ATP8A2: variants seen among roughly 807,000 people sequenced by gnomAD.
ATP8A2 encodes phospholipid-transporting ATPase IB.
Under a neutral mutation model 165.6 loss-of-function variants are expected in ATP8A2, and 100 were observed. The ratio of observed to expected loss-of-function variants is 0.60; its 90% CI spans 0.51 to 0.71. The LOEUF is 0.71. Ranked by LOEUF, ATP8A2 falls within the 30% of genes least tolerant of loss-of-function variation. ATP8A2 has a pLI of 0.00. For missense variants in ATP8A2, 1,227 were observed against 1,479.5 expected (o/e 0.83, Z 2.80); for synonymous variants, 543 against 548.8 (o/e 0.99, Z 0.15).
intron 33 of ATP8A2, among the ~76,000 whole-genome samples, chr13:25,934,789 G>A (rs1182279224): frequency 1.3e-5 from 2 of 152,200 alleles, no homozygotes; most frequent in Non-Finnish European, 2.9e-5. Flanking sequence ...CAGTGGTGGA[G>A]GGGCACTGCC....
At chr13:25,743,270 G>A (rs976647713) in intron 25 of ATP8A2, among the ~76,000 whole-genome samples, 1 of 151,950 alleles carries the variant, frequency 6.6e-6, no homozygotes, top group African/African-American at 2.4e-5. Flanking sequence ...ACCACCAGAG[G>A]CCGAAAGATG....
intron 25 of ATP8A2, among the ~76,000 whole-genome samples, chr13:25,759,595 G>A (rs922423334): frequency 6.6e-6 from 1 of 152,196 alleles, no homozygotes; most frequent in Admixed American, 6.5e-5. Context: ...TTTCAAGGAA[G>A]CAGAGTATCA....
At chr13:25,658,455 T>G (rs908606970) in intron 24 of ATP8A2, among the ~76,000 whole-genome samples, 1 of 152,036 alleles carries the variant, frequency 6.6e-6, no homozygotes, top group Non-Finnish European at 1.5e-5. Context: ...CTGGCCAATA[T>G]GGTGAAACCC....
At chr13:25,793,110 T>C (rs916443280) in intron 27 of ATP8A2, among the ~76,000 whole-genome samples, 3 of 152,112 alleles carry the variant, frequency 2.0e-5, no homozygotes, top group Non-Finnish European at 4.4e-5. Flanking sequence ...ACACTGACTG[T>C]AAAAAGTTCA....
At chr13:25,712,924 A>C (rs961785137) in intron 25 of ATP8A2, among the ~76,000 whole-genome samples, 1 of 152,220 alleles carries the variant, frequency 6.6e-6, no homozygotes, top group African/African-American at 2.4e-5. Flanking sequence ...AGCAAAGATA[A>C]GTTATTTCAT....
intron 1 of ATP8A2, among the ~76,000 whole-genome samples, chr13:25,450,591 G>C (rs904771137): frequency 5.3e-5 from 8 of 152,138 alleles, no homozygotes; most frequent in African/African-American, 1.9e-4. Context: ...GAGTGCAGTG[G>C]TGTGATCTCG....
At chr13:25,465,309 T>C (rs1338597572) in intron 1 of ATP8A2, among the ~76,000 whole-genome samples, 1 of 152,184 alleles carries the variant, frequency 6.6e-6, no homozygotes, top group East Asian at 1.9e-4. Flanking sequence ...AGAATTTATC[T>C]GAATCTTGGG....
chr13:25,894,116 T>C (rs1383576304), intron 33 of ATP8A2, among the ~76,000 whole-genome samples: 1 of 152,254 alleles, frequency 6.6e-6, no homozygotes, highest in Non-Finnish European at 1.5e-5. Flanking sequence ...CCCATGCCTA[T>C]GTCCCGAATG....
At position 25,566,674 on chromosome 13, in the gene ATP8A2, G is replaced by T. The variant is rs113324699; in HGVS notation, c.1473+2643G>T. ...TGGAACATCACAGAATTCCAGTAAT[G>T]GGCTAGGAATAGCAGCAAACTATTG... is the stretch of plus-strand genomic sequence containing the variant. On this transcript the variant is annotated intron_variant, in intron 16 of 36. Transcript: ENST00000381655. 1.2e-3 allele frequency among the ~76,000 whole-genome samples: 189 copies of T among 152,242 alleles called. 3 individuals are homozygous for T. The highest frequency in any genetic ancestry group is 4.3e-3 in the African/African-American group (177 of 41,536).
chr13:25,722,970 G>A (rs2043413451), intron 25 of ATP8A2, among the ~76,000 whole-genome samples: 1 of 152,168 alleles, frequency 6.6e-6, no homozygotes, highest in Admixed American at 6.5e-5. Flanking sequence ...TTTTGTTCAA[G>A]GTTACTTGAG....
intron 33 of ATP8A2, among the ~76,000 whole-genome samples, chr13:25,887,387 G>A (rs553561507): frequency 6.6e-6 from 1 of 151,856 alleles, no homozygotes; most frequent in East Asian, 1.9e-4. Flanking sequence ...TGCCCAGACT[G>A]AAGTGCAGTG....
intron 24 of ATP8A2, among the ~76,000 whole-genome samples, chr13:25,677,468 G>T (rs1436048353): frequency 6.6e-6 from 1 of 152,228 alleles, no homozygotes; most frequent in Non-Finnish European, 1.5e-5. Flanking sequence ...GCAGAAGGTA[G>T]TCAAGAAAAT....
chr13:25,439,961 C>T (rs904128023), intron 1 of ATP8A2, among the ~76,000 whole-genome samples: 4 of 151,936 alleles, frequency 2.6e-5, no homozygotes, highest in Admixed American at 2.6e-4. Flanking sequence ...GAGGTCACTG[C>T]AGGCTATGGA....
intron 30 of ATP8A2, among the ~76,000 whole-genome samples, chr13:25,847,601 G>A (rs1188179162): frequency 1.3e-5 from 2 of 152,182 alleles, no homozygotes; most frequent in Non-Finnish European, 2.9e-5. Context: ...GAATCAAGAT[G>A]GATTAGCCAG....
At chr13:25,781,808 G>GA (rs1303680851) in intron 27 of ATP8A2, among the ~76,000 whole-genome samples, 1 of 152,176 alleles carries the variant, frequency 6.6e-6, no homozygotes, top group African/African-American at 2.4e-5. Context: ...AACATTGTTA[G>GA]AAAAAAATCA....
intron 35 of ATP8A2, among the ~76,000 whole-genome samples, chr13:25,998,043 T>C (rs1240903889): frequency 6.6e-6 from 1 of 152,220 alleles, no homozygotes; most frequent in African/African-American, 2.4e-5. Flanking sequence ...CTGGATTTCA[T>C]GGCAGCCTGG....
intron 2 of ATP8A2, among the ~76,000 whole-genome samples, chr13:25,477,663 G>T (rs1409936217): frequency 6.6e-6 from 1 of 152,228 alleles, no homozygotes; most frequent in African/African-American, 2.4e-5. Flanking sequence ...TCGGCCAGGT[G>T]TGGTGGCTCA....
At chr13:25,423,931 G>A (rs1049308844) in intron 1 of ATP8A2, among the ~76,000 whole-genome samples, 1 of 152,218 alleles carries the variant, frequency 6.6e-6, no homozygotes, top group Non-Finnish European at 1.5e-5. Flanking sequence ...TCCACTGACA[G>A]CGTGGGCAAA....
chr13:25,887,765 A>G (rs965563050), intron 33 of ATP8A2, among the ~76,000 whole-genome samples: 1 of 152,202 alleles, frequency 6.6e-6, no homozygotes, highest in Non-Finnish European at 1.5e-5. Context: ...CCTGTGAGCC[A>G]TTTAGCTTTT....
Sources: allele counts gnomAD v4.1 joint callset (sites outside exome capture counted in the v4.1 genomes callset), GRCh38; gene constraint gnomAD v4.1.1; transcripts MANE v1.5; gene names NCBI Gene and HGNC (gene_info 2026-07-23, HGNC 2026-07-21).